DNAH14: variants seen among roughly 807,000 people sequenced by gnomAD.
DNAH14 encodes the protein dynein axonemal heavy chain 14, also known as axonemal beta dynein heavy chain 14.
DNAH14 carries 478 observed loss-of-function variants against 520.9 expected under a neutral mutation model. That is an observed-to-expected ratio of 0.92 (90% CI 0.85 to 0.99). The LOEUF is 0.99. DNAH14 is among the 50% of genes least tolerant of loss of function. The probability of loss-of-function intolerance (pLI) is 0.00; values close to 1 mark genes in which losing one functional copy is unlikely to be tolerated. For missense variants in DNAH14, 4,831 were observed against 5,234.5 expected (o/e 0.92, Z 2.38); for synonymous variants, 1,581 against 1,757.2 (o/e 0.90, Z 2.51).
At position 225,273,265 on chromosome 1, in the gene DNAH14, A is replaced by G. The variant is rs892728178; in HGVS notation, c.8010+140A>G. On this transcript the variant is annotated intron_variant, in intron 52 of 85. Coordinates refer to ENST00000682510, the MANE Select transcript of DNAH14 (RefSeq NM_001367479.1). The stretch of plus-strand genomic sequence containing the variant: ...GGCTAACACGTGAAACCCCGTGTCT[A>G]CTAAAAATACAAAAAAATTAGCCGG... 19 of 940,356 alleles carry G rather than the reference A, an allele frequency of 2.0e-5. No individual in the cohort carries two copies. The African/African-American group carries it at 3.1e-4, about 15-fold the overall frequency. 58.3% of individuals were successfully genotyped at this position (940,356 alleles called of 1,614,324 possible).
chr1:225,320,455 T>G (rs755864765), intron 61 of DNAH14, among the ~76,000 whole-genome samples: 2 of 152,184 alleles, frequency 1.3e-5, no homozygotes, highest in South Asian at 2.1e-4. Context: ...TCTTGTTTGT[T>G]GTTTGTTTGT....
chr1:224,955,539 C>G (rs951812296), intron 3 of DNAH14, among the ~76,000 whole-genome samples: 1 of 152,000 alleles, frequency 6.6e-6, no homozygotes, highest in Non-Finnish European at 1.5e-5. Flanking sequence ...TTTTTTCCTT[C>G]TTCACTCAAA....
At chr1:224,949,929 C>G (rs2060067665) in intron 1 of DNAH14, among the ~76,000 whole-genome samples, 1 of 151,960 alleles carries the variant, frequency 6.6e-6, no homozygotes, top group Non-Finnish European at 1.5e-5. Flanking sequence ...AATTTTTGTT[C>G]TTCTTATGGA....
At chr1:225,167,209 C>T (rs944924547) in intron 35 of DNAH14, among the ~76,000 whole-genome samples, 3 of 152,150 alleles carry the variant, frequency 2.0e-5, no homozygotes, top group African/African-American at 7.2e-5. Flanking sequence ...TACAGTCCTA[C>T]TGAGTATTTC....
At position 225,272,067 on chromosome 1, in the gene DNAH14, G is replaced by T. The variant is rs887774028; in HGVS notation, c.7833G>T (p.Met2611Ile). Residue 2611 changes from methionine (M) to isoleucine (I), a missense_variant, in exon 51 of 86, where the codon ATG (methionine) becomes ATT (isoleucine). Met to Ile is a conservative substitution (Grantham distance 10). Transcript: ENST00000682510. ...KCHYMFNLRD[M>I]FKLLLGLLQA... ...ACTACATGTTTAATCTTCGAGATAT[G>T]TTTAAGGTTTGTTTTAATGTTCATT... 3 of 1,547,506 alleles carry T rather than the reference G, an allele frequency of 1.9e-6. No individual in the cohort carries two copies. The African/African-American group carries it at 4.1e-5, about 21-fold the overall frequency.
At chr1:225,053,311 C>G (rs2068720574) in intron 17 of DNAH14, among the ~76,000 whole-genome samples, 1 of 152,026 alleles carries the variant, frequency 6.6e-6, no homozygotes, top group Non-Finnish European at 1.5e-5. Flanking sequence ...TGAAGAAGAC[C>G]TGAATGAATC....
intron 77 of DNAH14, among the ~76,000 whole-genome samples, chr1:225,371,420 G>A (rs2095617525): frequency 1.3e-5 from 2 of 151,928 alleles, no homozygotes; most frequent in South Asian, 4.2e-4. Flanking sequence ...AGGATTAAAA[G>A]GAACCACTTA....
chr1:225,001,104 A>G (rs1572371205), intron 8 of DNAH14, among the ~76,000 whole-genome samples: 1 of 138,602 alleles, frequency 7.2e-6, no homozygotes, highest in Admixed American at 7.5e-5. Context: ...TAGGCAATGG[A>G]CTTTTTTTTT....
intron 60 of DNAH14, among the ~76,000 whole-genome samples, chr1:225,310,764 A>G (rs1196647720): frequency 6.6e-6 from 1 of 152,170 alleles, no homozygotes; most frequent in African/African-American, 2.4e-5. Flanking sequence ...ATGTCCCTGC[A>G]AAGGACATGA....
intron 58 of DNAH14, among the ~76,000 whole-genome samples, chr1:225,306,933 G>A (rs2094257080): frequency 6.6e-6 from 1 of 151,860 alleles, no homozygotes; most frequent in Non-Finnish European, 1.5e-5. Context: ...GTAGATATGG[G>A]GGGAGAAAAA....
chr1:225,166,798 A>G (rs931858066), intron 35 of DNAH14, among the ~76,000 whole-genome samples: 4 of 152,218 alleles, frequency 2.6e-5, no homozygotes, highest in African/African-American at 9.6e-5. Context: ...TAAGAACTAC[A>G]TATAGTTTGC....
At position 225,252,044 on chromosome 1, in the gene DNAH14, G is replaced by T. The variant is rs571107321; in HGVS notation, c.6749-257G>T. ...AACACATGGTAATAATCAAAACTTT[G>T]GGGTAAGATTTCAAGGAATATCAGA... On this transcript the variant is annotated intron_variant, in intron 43 of 85. Coordinates refer to ENST00000682510, the MANE Select transcript of DNAH14 (RefSeq NM_001367479.1). Among the ~76,000 whole-genome samples the T allele has an allele frequency of 1.1e-4, 16 of 152,226 alleles. No individual in the cohort carries two copies. In the East Asian group the frequency reaches 3.1e-3, roughly 29 times the overall value.
At chr1:225,061,480 A>T (rs895241754) in intron 17 of DNAH14, among the ~76,000 whole-genome samples, 3 of 152,036 alleles carry the variant, frequency 2.0e-5, no homozygotes, top group African/African-American at 7.2e-5. Context: ...GCCGTGCCTC[A>T]CTCTGCTTTG....
intron 43 of DNAH14, among the ~76,000 whole-genome samples, chr1:225,246,997 C>T (rs2092321744): frequency 6.6e-6 from 1 of 152,122 alleles, no homozygotes. Context: ...TAATGATAGA[C>T]TGGATAAGGA....
chr1:225,324,490 A>G, intron 63 of DNAH14, 137 bp downstream of exon 63: 1 of 1,212,780 alleles, frequency 8.2e-7, no homozygotes, highest in South Asian at 1.6e-5. Flanking sequence ...ATCAAATGTT[A>G]TTCTAACTCA....
intron 84 of DNAH14, among the ~76,000 whole-genome samples, chr1:225,394,132 C>G (rs1159556222): frequency 2.6e-5 from 4 of 152,082 alleles, no homozygotes; most frequent in African/African-American, 9.7e-5. Context: ...GCGATGTTAT[C>G]TTTATGATTT....
At chr1:225,180,620 G>A (rs1002815113) in intron 36 of DNAH14, among the ~76,000 whole-genome samples, 2 of 152,082 alleles carry the variant, frequency 1.3e-5, no homozygotes, top group Admixed American at 1.3e-4. Context: ...CTGAGGGAAG[G>A]CATTAATCTA....
At chr1:225,280,476 G>A (rs1245183337) in intron 54 of DNAH14, among the ~76,000 whole-genome samples, 2 of 152,018 alleles carry the variant, frequency 1.3e-5, no homozygotes, top group African/African-American at 4.8e-5. Context: ...GTGGGTGCCT[G>A]TAGTCCCAGC....
intron 43 of DNAH14, among the ~76,000 whole-genome samples, chr1:225,243,836 A>G (rs890313938): frequency 2.0e-5 from 3 of 151,702 alleles, no homozygotes; most frequent in East Asian, 3.9e-4. Context: ...CATACCCTTT[A>G]TTTCTTTCTC....
Sources: gnomAD v4.1 joint callset for allele counts (sites outside exome capture counted in the v4.1 genomes callset) on GRCh38, gnomAD v4.1.1 for gene constraint, MANE v1.5 for transcripts, NCBI Gene and HGNC (gene_info 2026-07-23, HGNC 2026-07-21) for gene names.